The following BCAS3 variants were observed in gnomAD, a reference collection of about 807,000 sequenced individuals.
BCAS3 encodes the protein BCAS4/BCAS3 fusion.
A neutral mutation model predicts 116.1 loss-of-function variants in BCAS3; 53 were observed. The ratio of observed to expected loss-of-function variants is 0.46; its 90% CI spans 0.37 to 0.57. BCAS3 has a LOEUF of 0.57. Ranked by LOEUF, BCAS3 falls within the 20% of genes least tolerant of loss-of-function variation. The pLI is 0.00. For synonymous variants in BCAS3, 391 were observed against 408.2 expected (o/e 0.96, Z 0.51); for missense variants, 917 against 1,165.4 (o/e 0.79, Z 3.10).
Position 61,015,509 on chromosome 17 carries a change from C to T in BCAS3, c.1487-242C>T, listed in dbSNP as rs375167587. 1.4e-3 allele frequency among the ~76,000 whole-genome samples: 214 copies of T among 152,262 alleles called. 1 individual carries two copies. The highest frequency in any genetic ancestry group is 4.4e-3 in the African/African-American group (184 of 41,570). The stretch of plus-strand genomic sequence containing the variant: ...CTCACTCTGTTGCCCAGGCTGGCCT[C>T]AAACTCCTGGCCTCCTGCCTTGGCC... On this transcript the variant is annotated intron_variant, in intron 15 of 23. Coordinates refer to ENST00000407086, the MANE Select transcript of BCAS3 (RefSeq NM_017679.5).
intron 23 of BCAS3, among the ~76,000 whole-genome samples, chr17:61,375,674 G>A (rs1052581630): frequency 3.3e-5 from 5 of 150,648 alleles, no homozygotes; most frequent in Admixed American, 6.7e-5. Context: ...TCATGTTCCA[G>A]CGATTCTCCT....
chr17:60,974,013 C>T (rs1357664556), intron 14 of BCAS3, among the ~76,000 whole-genome samples: 2 of 152,102 alleles, frequency 1.3e-5, no homozygotes, highest in Non-Finnish European at 2.9e-5. Flanking sequence ...TTTAAGTATT[C>T]TAAAAATGCA....
At chr17:61,341,959 A>C (rs2057188077) in intron 22 of BCAS3, among the ~76,000 whole-genome samples, 1 of 152,234 alleles carries the variant, frequency 6.6e-6, no homozygotes, top group Non-Finnish European at 1.5e-5. Flanking sequence ...TGATTATGAG[A>C]CGTGGACAGG....
chr17:61,170,077 A>G (rs2144110371), intron 22 of BCAS3, among the ~76,000 whole-genome samples: 1 of 151,780 alleles, frequency 6.6e-6, no homozygotes, highest in East Asian at 2.0e-4. Flanking sequence ...CTGGTCTCGA[A>G]CTCCTGACCT....
At position 61,084,914 on chromosome 17, in the gene BCAS3, A is replaced by G. The variant is rs1196981871; in HGVS notation, c.2425+350A>G. Among the ~76,000 whole-genome samples, 1 of 152,208 alleles carries G rather than the reference A, an allele frequency of 6.6e-6. No homozygotes were observed. The highest frequency in any genetic ancestry group is 1.5e-5 in the Non-Finnish European group (1 of 68,044). On this transcript the variant is annotated intron_variant, in intron 22 of 23. Coordinates refer to ENST00000407086, the MANE Select transcript of BCAS3 (RefSeq NM_017679.5). This position sits in a 1 kb window ranked among gnomAD's most constrained non-coding sequence, Gnocchi z 5.5. ...ACAATCTATGGATTCAATTTACTCA[A>G]CCTGTTGAGTATCAAAGTGCCTAAT...
rs1037721292 is a variant in BCAS3, at chr17:61,013,235, G to A, written c.1487-2516G>A. ...CCTGTTTGTGCCTGTTAGACTGTAA[G>A]CTTCATGATAACAAGGAAAACAGTC... On this transcript the variant is annotated intron_variant, in intron 15 of 23. Coordinates refer to ENST00000407086, the MANE Select transcript of BCAS3 (RefSeq NM_017679.5). This position sits in a 1 kb window ranked among gnomAD's most constrained non-coding sequence, Gnocchi z 4.4. Among the ~76,000 whole-genome samples, 3 of 152,020 alleles carry A rather than the reference G, an allele frequency of 2.0e-5. No individual in the cohort carries two copies. The highest frequency in any genetic ancestry group is 4.4e-5 in the Non-Finnish European group (3 of 67,962).
At chr17:61,044,569 A>T (rs928386633) in intron 19 of BCAS3, among the ~76,000 whole-genome samples, 1 of 151,504 alleles carries the variant, frequency 6.6e-6, no homozygotes, top group Admixed American at 6.6e-5. Context: ...GTTTCCATGA[A>T]CTTATCAATG....
At position 61,026,178 on chromosome 17, in the gene BCAS3, T is replaced by C. The variant is rs2066230834; in HGVS notation, c.1638-8488T>C. Among the ~76,000 whole-genome samples the C allele has an allele frequency of 6.6e-6, 1 of 152,082 alleles. No homozygotes were observed. The highest frequency in any genetic ancestry group is 2.1e-4 in the South Asian group (1 of 4,828). On this transcript the variant is annotated intron_variant, in intron 16 of 23. Coordinates refer to ENST00000407086, the MANE Select transcript of BCAS3 (RefSeq NM_017679.5). The surrounding 1 kb of genome is among the most constrained non-coding windows in gnomAD (Gnocchi z 5.0). ...GTTTCCCAGTTGTATTTAAAACAAG[T>C]GATTGTAGCTTTAGTTTGCTGCGTA...
intron 22 of BCAS3, among the ~76,000 whole-genome samples, chr17:61,110,289 C>G (rs551400576): frequency 6.6e-6 from 1 of 152,186 alleles, no homozygotes; most frequent in South Asian, 2.1e-4. Flanking sequence ...CCAGCGTGAG[C>G]GACGCAGAAG....
chr17:61,261,980 G>A lies in BCAS3; in HGVS notation c.2426-106347G>A, dbSNP rs1230484160. On this transcript the variant is annotated intron_variant, in intron 22 of 23. Transcript: ENST00000407086. This position sits in a 1 kb window ranked among gnomAD's most constrained non-coding sequence, Gnocchi z 4.4. ...TGAGACAAGGATGTCCACGAATACC[G>A]TTTCTATTCAGTGTTATACTAGAAG... 1.3e-5 allele frequency among the ~76,000 whole-genome samples: 2 copies of A among 152,116 alleles called. No homozygotes were observed. The highest frequency in any genetic ancestry group is 4.8e-5 in the African/African-American group (2 of 41,398).
chr17:61,224,841 A>ATATCG lies in BCAS3; in HGVS notation c.2425+140280_2425+140281insCGTAT, dbSNP rs2082290385. 6.6e-6 allele frequency among the ~76,000 whole-genome samples: 1 copy of ATATCG among 152,228 alleles called. No individual in the cohort carries two copies. Among genetic ancestry groups the ATATCG allele is most frequent in the Non-Finnish European group, 1.5e-5 (1 of 68,030 alleles). ...TAGCACATTTGGCTTCAGCCTAGCC[A>ATATCG]TATTTCAAGTGCTCAGTAGCCACAT... On this transcript the variant is annotated intron_variant, in intron 22 of 23. Transcript: ENST00000407086. The surrounding 1 kb of genome is among the most constrained non-coding windows in gnomAD (Gnocchi z 5.7).
At chr17:60,963,175 C>A (rs1193168004) in intron 14 of BCAS3, among the ~76,000 whole-genome samples, 2 of 152,044 alleles carry the variant, frequency 1.3e-5, no homozygotes, top group Admixed American at 6.6e-5. Context: ...AAGTGTGATG[C>A]CTTCAGTTCC....
In BCAS3 at chr17:61,313,140, G is replaced by A. The variant is rs1249606586; in HGVS notation, c.2426-55187G>A. The stretch of plus-strand genomic sequence containing the variant: ...TGTTAGGCTTAGACTACATAGTGAT[G>A]ACCAAAACAGTCTTTGGATTCATGG... On this transcript the variant is annotated intron_variant, in intron 22 of 23. Coordinates refer to ENST00000407086, the MANE Select transcript of BCAS3 (RefSeq NM_017679.5). The surrounding 1 kb of genome is among the most constrained non-coding windows in gnomAD (Gnocchi z 4.3). 6.6e-6 allele frequency among the ~76,000 whole-genome samples: 1 copy of A among 152,214 alleles called. No homozygotes were observed. The highest frequency in any genetic ancestry group is 1.5e-5 in the Non-Finnish European group (1 of 68,040).
At chr17:61,109,648 G>C (rs751720261) in intron 22 of BCAS3, among the ~76,000 whole-genome samples, 10 of 152,146 alleles carry the variant, frequency 6.6e-5, no homozygotes, top group Non-Finnish European at 1.2e-4. Context: ...TCTTGCAGGA[G>C]TGAGGTGGTA....
intron 19 of BCAS3, among the ~76,000 whole-genome samples, chr17:61,049,730 C>CTTTTTTTTTTTTTTTTTTTTTT (rs1027378849): frequency 8.3e-6 from 1 of 120,828 alleles, no homozygotes; most frequent in African/African-American, 3.5e-5. Flanking sequence ...CTTTTCTTTT[C>CTTTTTTTTTTTTTTTTTTTTTT]TTTTTTTTTT....
At chr17:61,147,658 C>A (rs2077301344) in intron 22 of BCAS3, among the ~76,000 whole-genome samples, 1 of 152,120 alleles carries the variant, frequency 6.6e-6, no homozygotes, top group Non-Finnish European at 1.5e-5. Flanking sequence ...TTTTTATATT[C>A]TCAATAAAGC....
chr17:60,814,300 TGTGTGTGCGCGC>T lies in BCAS3; in HGVS notation c.476+6228_476+6239del, dbSNP rs985232211. On this transcript the variant is annotated intron_variant, in intron 7 of 23. Coordinates refer to ENST00000407086, the MANE Select transcript of BCAS3 (RefSeq NM_017679.5). ...GTGTGTGTGTGTGTGTGTGTGTGTG[TGTGTGTGCGCGC>T]GTGCCCATTGCAAATGGGATTGCAT... Among the ~76,000 whole-genome samples, 95 of 130,500 alleles carry T rather than the reference TGTGTGTGCGCGC, an allele frequency of 7.3e-4. 1 individual carries two copies. The highest frequency in any genetic ancestry group is 3.5e-3 in the African/African-American group (90 of 25,396). 85.6% of individuals were successfully genotyped at this position (130,500 alleles called of 152,430 possible). A position where few individuals can be genotyped will look rare whatever the true frequency, so the allele number is the denominator to read the frequency against.
chr17:61,061,825 A>G lies in BCAS3; in HGVS notation c.2030-13095A>G, dbSNP rs184514373. Among the ~76,000 whole-genome samples the G allele has an allele frequency of 2.6e-5, 4 of 152,342 alleles. No individual in the cohort carries two copies. In the East Asian group the frequency reaches 7.7e-4, roughly 29 times the overall value. On this transcript the variant is annotated intron_variant, in intron 19 of 23. Coordinates refer to ENST00000407086, the MANE Select transcript of BCAS3 (RefSeq NM_017679.5). Reference sequence around the variant, plus strand: ...CTTAGGATGCTTTCAGCAAATAATCATTCTTCTGAACAAAAAAACAACGTG... The same window carrying G: ...CTTAGGATGCTTTCAGCAAATAATCGTTCTTCTGAACAAAAAAACAACGTG...
In BCAS3 at chr17:61,339,283, C is replaced by T. The variant is rs147055736; in HGVS notation, c.2426-29044C>T. Among the ~76,000 whole-genome samples the T allele has an allele frequency of 2.1e-3, 317 of 152,304 alleles. No homozygotes were observed. Among genetic ancestry groups the T allele is most frequent in the Non-Finnish European group, 3.7e-3 (251 of 68,028 alleles). Reference sequence around the variant, plus strand: ...CACCTCTCCTTCATCCCAGGTCACACCCAAAAGCCAATGAAGAAAGGGTTT... The same window carrying T: ...CACCTCTCCTTCATCCCAGGTCACATCCAAAAGCCAATGAAGAAAGGGTTT... On this transcript the variant is annotated intron_variant, in intron 22 of 23. Transcript: ENST00000407086. The surrounding 1 kb of genome is among the most constrained non-coding windows in gnomAD (Gnocchi z 4.4).
Sources: allele counts gnomAD v4.1 joint callset (sites outside exome capture counted in the v4.1 genomes callset), GRCh38; gene constraint gnomAD v4.1.1; non-coding constraint Gnocchi (gnomAD v3.1); transcripts MANE v1.5; gene names NCBI Gene and HGNC (gene_info 2026-07-23, HGNC 2026-07-21).